The following PLCZ1 variants were observed in gnomAD, a reference collection of about 807,000 sequenced individuals.
The protein encoded by PLCZ1 is phospholipase C zeta 1.
In PLCZ1, 64 loss-of-function variants were observed where a neutral mutation model predicts 76.8. That is an observed-to-expected ratio of 0.83 (90% confidence interval 0.68 to 1.03). The LOEUF is 1.03. PLCZ1 is among the 50% of genes least tolerant of loss of function. The pLI, the probability that PLCZ1 is intolerant of heterozygous loss-of-function variation, is 0.00. For missense variants in PLCZ1, 751 were observed against 713.7 expected (o/e 1.05, Z -0.60); for synonymous variants, 248 against 230.8 (o/e 1.07, Z -0.68).
chr12:18,677,702 A>G, the PLCZ1 span, among the ~76,000 whole-genome samples: 1 of 152,132 alleles, frequency 6.6e-6, no homozygotes, highest in Non-Finnish European at 1.5e-5. Context: ...AGTATTTTTA[A>G]AATGTTCTAT....
the PLCZ1 span, among the ~76,000 whole-genome samples, chr12:18,668,553 C>T: frequency 6.6e-6 from 1 of 152,102 alleles, no homozygotes; most frequent in South Asian, 2.1e-4. Flanking sequence ...TTGCCTTCTT[C>T]AAGGAGATCA....
chr12:18,725,630 G>A (rs1416813658), intron 3 of PLCZ1, among the ~76,000 whole-genome samples: 1 of 152,092 alleles, frequency 6.6e-6, no homozygotes, highest in East Asian at 1.9e-4. Context: ...ACTGTATTGT[G>A]TAGCATCCAA....
At chr12:18,692,721 C>A (rs1382214242) in intron 12 of PLCZ1, 1 of 832,430 alleles carries the variant, frequency 1.2e-6, no homozygotes. Context: ...GAATCATCAA[C>A]ATAAAGAAAA....
chr12:18,680,057 G>C (rs1952274088), downstream of PLCZ1, among the ~76,000 whole-genome samples: 1 of 151,892 alleles, frequency 6.6e-6, no homozygotes, highest in Admixed American at 6.6e-5. Flanking sequence ...CCCTTTGTTG[G>C]TACACATATT....
intron 3 of PLCZ1, among the ~76,000 whole-genome samples, chr12:18,728,999 T>TTCTC (rs918021512): frequency 2.0e-5 from 3 of 150,800 alleles, no homozygotes; most frequent in African/African-American, 7.3e-5. Context: ...GAGAAATAAT[T>TTCTC]TCTCTCTCTC....
chr12:18,671,702 A>T, the PLCZ1 span, among the ~76,000 whole-genome samples: 1 of 152,174 alleles, frequency 6.6e-6, no homozygotes, highest in South Asian at 2.1e-4. Flanking sequence ...GCTCCAGAAA[A>T]ATGATGAAGA....
Position 18,733,195 on chromosome 12 carries a change from G to T in PLCZ1, c.135+3026C>A, listed in dbSNP as rs114065077. Among the ~76,000 whole-genome samples, 617 of 152,280 alleles carry T rather than the reference G, an allele frequency of 4.1e-3. 2 individuals carry two copies. Among genetic ancestry groups the T allele is most frequent in the African/African-American group, 0.014 (578 of 41,552 alleles). On this transcript the variant is annotated intron_variant, in intron 3 of 14. Transcript: ENST00000266505. The stretch of plus-strand genomic sequence containing the variant: ...CATGTGATTTGATTTGCATTTCCCT[G>T]ATGATTAGTGATGTTGAGCACTTAT...
chr12:18,664,352 G>A, the PLCZ1 span, among the ~76,000 whole-genome samples: 4 of 152,142 alleles, frequency 2.6e-5, no homozygotes, highest in African/African-American at 9.7e-5. Context: ...GTTCTCAATA[G>A]CTTGGGGAGT....
the PLCZ1 span, among the ~76,000 whole-genome samples, chr12:18,654,065 G>A: frequency 6.6e-6 from 1 of 151,972 alleles, no homozygotes; most frequent in Non-Finnish European, 1.5e-5. Context: ...AAATAAAATA[G>A]AATGTGTCAA....
At chr12:18,656,880 T>A in the PLCZ1 span, among the ~76,000 whole-genome samples, 1 of 152,142 alleles carries the variant, frequency 6.6e-6, no homozygotes, top group African/African-American at 2.4e-5. Context: ...AGAGTTAAAT[T>A]TCAGTAAGAG....
At chr12:18,723,115 T>C (rs546306784) in intron 4 of PLCZ1, among the ~76,000 whole-genome samples, 196 bp downstream of exon 4, 1 of 152,148 alleles carries the variant, frequency 6.6e-6, no homozygotes, top group African/African-American at 2.4e-5. Flanking sequence ...GGAAAGGATG[T>C]CATGGTTGCA....
intron 14 of PLCZ1, among the ~76,000 whole-genome samples, chr12:18,683,840 T>A (rs1952690010): frequency 6.6e-6 from 1 of 151,946 alleles, no homozygotes; most frequent in Admixed American, 6.6e-5. Flanking sequence ...TTCTTTATGG[T>A]AGTCATGACT....
intron 10 of PLCZ1, among the ~76,000 whole-genome samples, chr12:18,699,128 T>C (rs556864990): frequency 6.6e-6 from 1 of 152,282 alleles, no homozygotes; most frequent in South Asian, 2.1e-4. Context: ...GAAAGGAAGA[T>C]GCAGAGACAG....
intron 3 of PLCZ1, among the ~76,000 whole-genome samples, chr12:18,726,271 T>TATTAATC (rs1388329857): frequency 6.6e-6 from 1 of 152,174 alleles, no homozygotes; most frequent in African/African-American, 2.4e-5. Flanking sequence ...AAATGTTTCG[T>TATTAATC]ATTAATCATT....
chr12:18,704,554 T>C (rs1194562555), intron 7 of PLCZ1, among the ~76,000 whole-genome samples: 1 of 152,028 alleles, frequency 6.6e-6, no homozygotes, highest in Non-Finnish European at 1.5e-5. Flanking sequence ...TGTGAACTCC[T>C]AACCTCAGGG....
intron 6 of PLCZ1, among the ~76,000 whole-genome samples, chr12:18,709,649 A>G (rs1957054502): frequency 6.6e-6 from 1 of 152,124 alleles, no homozygotes; most frequent in African/African-American, 2.4e-5. Context: ...TGGAAGGCCA[A>G]GATGAGAGGA....
chr12:18,676,218 T>A, the PLCZ1 span, among the ~76,000 whole-genome samples: 1 of 152,154 alleles, frequency 6.6e-6, no homozygotes, highest in Non-Finnish European at 1.5e-5. Flanking sequence ...GTCCTAATCA[T>A]GTTGTTTGAC....
At chr12:18,688,361 A>G in intron 12 of PLCZ1, 143 bp from the exon 13 acceptor site, 1 of 794,310 alleles carries the variant, frequency 1.3e-6, no homozygotes. Flanking sequence ...TACAATACAA[A>G]TTTTAAAATT....
In PLCZ1 at chr12:18,706,297, T is replaced by C. The variant is rs189666843; in HGVS notation, c.715-982A>G. Reference sequence around the variant, plus strand: ...ATCTATACTGCTATAGAAAGTTATCTACGGGTTTATGAAGAAAAGCAAGTT... The same window carrying C: ...ATCTATACTGCTATAGAAAGTTATCCACGGGTTTATGAAGAAAAGCAAGTT... On this transcript the variant is annotated intron_variant, in intron 6 of 14. Transcript: ENST00000266505. Among the ~76,000 whole-genome samples the C allele has an allele frequency of 1.2e-3, 185 of 151,586 alleles. 1 individual carries two copies. The highest frequency in any genetic ancestry group is 4.4e-3 in the African/African-American group (181 of 41,396).
Sources: allele counts gnomAD v4.1 joint callset (sites outside exome capture counted in the v4.1 genomes callset), GRCh38; gene constraint gnomAD v4.1.1; transcripts MANE v1.5; gene names NCBI Gene and HGNC (gene_info 2026-07-23, HGNC 2026-07-21).